CACNA1E: variants seen among roughly 807,000 people sequenced by gnomAD.
CACNA1E encodes the protein calcium voltage-gated channel subunit alpha1 E.
Under a neutral mutation model 259.2 loss-of-function variants are expected in CACNA1E, and 40 were observed. The observed-to-expected ratio is 0.15, with a 90% confidence interval of 0.12 to 0.20. The LOEUF (loss-of-function observed/expected upper bound fraction) is 0.20. Among genes scored for constraint, CACNA1E ranks in the 10% least tolerant of loss-of-function variants. The pLI is 1.00. For synonymous variants in CACNA1E, 1,104 were observed against 1,138.5 expected (o/e 0.97, Z 0.61); for missense variants, 1,874 against 3,040.1 (o/e 0.62, Z 9.02).
intron 1 of CACNA1E, among the ~76,000 whole-genome samples, chr1:181,508,334 A>G (rs1037193612): frequency 1.3e-5 from 2 of 151,450 alleles, no homozygotes; most frequent in African/African-American, 2.4e-5. Context: ...TAGGAATACC[A>G]CTCTCAACGC....
At chr1:181,534,857 T>C (rs1013300959) in intron 3 of CACNA1E, among the ~76,000 whole-genome samples, 1 of 152,134 alleles carries the variant, frequency 6.6e-6, no homozygotes, top group Non-Finnish European at 1.5e-5. Flanking sequence ...ATTAAACTTA[T>C]TTTTTAAAAG....
chr1:181,596,597 T>TGTGTGTGTGC (rs1553293354), intron 6 of CACNA1E, among the ~76,000 whole-genome samples: 1 of 144,634 alleles, frequency 6.9e-6, no homozygotes, highest in Non-Finnish European at 1.5e-5. Context: ...TGTGTGTGTG[T>TGTGTGTGTGC]ACACACACAT....
chr1:181,543,325 G>A (rs1403680327), intron 3 of CACNA1E, among the ~76,000 whole-genome samples: 1 of 152,174 alleles, frequency 6.6e-6, no homozygotes, highest in East Asian at 1.9e-4. Context: ...AGGTTCCTGA[G>A]TAAGAGCTTA....
intron 3 of CACNA1E, among the ~76,000 whole-genome samples, chr1:181,519,510 A>C (rs1286768344): frequency 6.6e-6 from 1 of 152,238 alleles, no homozygotes; most frequent in African/African-American, 2.4e-5. Flanking sequence ...GGTAAGGCTA[A>C]GGTTACTAAA....
At chr1:181,572,488 TG>T (rs1400498555) in intron 3 of CACNA1E, among the ~76,000 whole-genome samples, 1 of 152,206 alleles carries the variant, frequency 6.6e-6, no homozygotes, top group African/African-American at 2.4e-5. Context: ...ACATGATACC[TG>T]TGCTGGTGGT....
At chr1:181,447,349 G>C (rs1307727781) in intron 2 of CACNA1E, among the ~76,000 whole-genome samples, 2 of 150,132 alleles carry the variant, frequency 1.3e-5, no homozygotes, top group Non-Finnish European at 3.0e-5. Context: ...AACATAGCAA[G>C]ACCTCATCTC....
chr1:181,348,111 C>A (rs1009477026), intron 1 of CACNA1E, among the ~76,000 whole-genome samples: 7 of 151,874 alleles, frequency 4.6e-5, no homozygotes, highest in African/African-American at 1.5e-4. Flanking sequence ...TTCCTTGAAG[C>A]CGTGCGTCTC....
chr1:181,420,644 G>C (rs1052872840), intron 2 of CACNA1E, among the ~76,000 whole-genome samples: 16 of 152,126 alleles, frequency 1.1e-4, no homozygotes, highest in Non-Finnish European at 2.2e-4. Flanking sequence ...ACCATTTATT[G>C]AGCACTGGCT....
intron 3 of CACNA1E, among the ~76,000 whole-genome samples, chr1:181,554,985 G>T (rs907003157): frequency 2.0e-5 from 3 of 152,114 alleles, no homozygotes; most frequent in African/African-American, 7.2e-5. Context: ...CTTCCAAATG[G>T]AGATTATAAT....
At chr1:181,619,893 G>C (rs982550971) in intron 6 of CACNA1E, among the ~76,000 whole-genome samples, 4 of 152,218 alleles carry the variant, frequency 2.6e-5, no homozygotes, top group East Asian at 3.9e-4. Context: ...TTATTGGGGA[G>C]GGGGGAAGGA....
intron 12 of CACNA1E, 52 bp from the exon 13 acceptor site, chr1:181,719,699 C>A: frequency 1.0e-6 from 1 of 984,680 alleles, no homozygotes; most frequent in Non-Finnish European, 1.6e-6. Context: ...CTAGAATGCC[C>A]CCTCTTCTCC....
chr1:181,619,470 T>C (rs1655531127), intron 6 of CACNA1E, among the ~76,000 whole-genome samples: 1 of 152,136 alleles, frequency 6.6e-6, no homozygotes, highest in South Asian at 2.1e-4. Flanking sequence ...TGATGAGACT[T>C]TGACTTTAAC....
intron 1 of CACNA1E, among the ~76,000 whole-genome samples, chr1:181,411,360 A>T (rs540822875): frequency 5.9e-5 from 9 of 152,272 alleles, no homozygotes; most frequent in Admixed American, 3.3e-4. Context: ...CAGGGAAAAC[A>T]CCTCAATGGC....
chr1:181,544,217 A>G (rs1408193405), intron 3 of CACNA1E, among the ~76,000 whole-genome samples: 1 of 152,222 alleles, frequency 6.6e-6, no homozygotes, highest in African/African-American at 2.4e-5. Flanking sequence ...TACATATTTT[A>G]TGACTCCATT....
rs969662123 is a variant in CACNA1E at position 181,719,952 on chromosome 1, C to T, written c.1751+89C>T. On this transcript the variant is annotated intron_variant, in intron 13 of 47. Transcript: ENST00000367573. ...TATTTTCTTCCATCTTCTCTTTCCC[C>T]CTTAGGGGGAAAGTATCCCTTCCCT... 1.2e-5 allele frequency: 10 copies of T among 828,690 alleles called. No homozygotes were observed. In the African/African-American group the frequency reaches 1.7e-4, roughly 14 times the overall value. 51.3% of individuals were successfully genotyped at this position (828,690 alleles called of 1,614,324 possible).
chr1:181,560,616 T>A (rs10797728), intron 3 of CACNA1E, among the ~76,000 whole-genome samples: 106,961 of 152,092 alleles, frequency 0.7, 39,433 homozygotes, highest in East Asian at 0.94. Flanking sequence ...AACACTAAAG[T>A]CTTTCTGTGG....
chr1:181,551,065 A>G (rs1648093585), intron 3 of CACNA1E, among the ~76,000 whole-genome samples: 1 of 152,058 alleles, frequency 6.6e-6, no homozygotes. Flanking sequence ...TTGCTAAGTG[A>G]TTGTGCTTGC....
chr1:181,782,962 C>G (rs1660549227), intron 39 of CACNA1E, among the ~76,000 whole-genome samples: 1 of 152,124 alleles, frequency 6.6e-6, no homozygotes. Context: ...TGATCCCTTT[C>G]TTTGGGTAAG....
intron 7 of CACNA1E, among the ~76,000 whole-genome samples, chr1:181,705,862 A>G (rs1652746198): frequency 6.6e-6 from 1 of 152,222 alleles, no homozygotes; most frequent in Non-Finnish European, 1.5e-5. Flanking sequence ...TGAGACAGCA[A>G]GGTGACTGTC....
Sources: gnomAD v4.1 joint callset for allele counts (sites outside exome capture counted in the v4.1 genomes callset) on GRCh38, gnomAD v4.1.1 for gene constraint, MANE v1.5 for transcripts, NCBI Gene and HGNC (gene_info 2026-07-23, HGNC 2026-07-21) for gene names.